The following CHODL variants were observed in gnomAD, a reference collection of about 807,000 sequenced individuals.
CHODL encodes the protein chondrolectin, also known as transmembrane protein MT75.
CHODL carries 29 observed loss-of-function variants against 34.5 expected under a neutral mutation model. The observed-to-expected ratio is 0.84, with a 90% CI of 0.63 to 1.15. The LOEUF is 1.15. Ranked by LOEUF, CHODL falls within the 50% of genes most tolerant of loss-of-function variation. The probability of loss-of-function intolerance (pLI) is 0.00; values close to 1 mark genes in which losing one functional copy is unlikely to be tolerated. For missense variants in CHODL, 332 were observed against 332.5 expected, an observed-to-expected ratio of 1.00 and a Z score of 0.01; for synonymous variants, 125 against 116.1, an observed-to-expected ratio of 1.08 and a Z score of -0.49.
chr21:18,128,464 C>T (rs1250550969), intron 2 of CHODL, among the ~76,000 whole-genome samples: 1 of 150,994 alleles, frequency 6.6e-6, no homozygotes, highest in Non-Finnish European at 1.5e-5. Context: ...AAGCACAAGA[C>T]AAAAATGACT....
At chr21:18,077,727 G>A (rs778794277) in intron 2 of CHODL, among the ~76,000 whole-genome samples, 1 of 152,052 alleles carries the variant, frequency 6.6e-6, no homozygotes, top group Non-Finnish European at 1.5e-5. Flanking sequence ...CTCACCAAAC[G>A]CTGAATCTGC....
chr21:18,228,200 T>C (rs1329190451), intron 2 of CHODL, among the ~76,000 whole-genome samples: 1 of 152,186 alleles, frequency 6.6e-6, no homozygotes, highest in Non-Finnish European at 1.5e-5. Flanking sequence ...GCCAATGGTT[T>C]AATTTTTTAA....
intron 2 of CHODL, among the ~76,000 whole-genome samples, chr21:18,161,737 A>T (rs1768370108): frequency 6.6e-6 from 1 of 151,894 alleles, no homozygotes; most frequent in Non-Finnish European, 1.5e-5. Flanking sequence ...TCCTCCCTAC[A>T]CCCCAGCACA....
intron 1 of CHODL, among the ~76,000 whole-genome samples, chr21:17,968,226 T>C (rs760904705): frequency 1.4e-4 from 22 of 152,220 alleles, no homozygotes; most frequent in Non-Finnish European, 2.5e-4. Context: ...AACCTCTCCA[T>C]AGTTTTGTCC....
At chr21:18,155,331 T>C (rs1449273232) in intron 2 of CHODL, among the ~76,000 whole-genome samples, 2 of 152,158 alleles carry the variant, frequency 1.3e-5, no homozygotes, top group African/African-American at 4.8e-5. Context: ...AAAGAACCTG[T>C]CCTTGCAAAC....
chr21:18,187,871 T>C (rs2073462411), intron 2 of CHODL, among the ~76,000 whole-genome samples: 1 of 152,204 alleles, frequency 6.6e-6, no homozygotes, highest in Non-Finnish European at 1.5e-5. Flanking sequence ...CTCCTTGACT[T>C]GAAGTCTCAT....
intron 1 of CHODL, among the ~76,000 whole-genome samples, chr21:17,918,623 G>A (rs533520555): frequency 2.0e-5 from 3 of 152,130 alleles, no homozygotes; most frequent in Non-Finnish European, 2.9e-5. Flanking sequence ...GATGAGATAT[G>A]GGTGGGGACA....
chr21:17,999,371 C>T (rs185487434), intron 1 of CHODL, among the ~76,000 whole-genome samples: 4 of 152,220 alleles, frequency 2.6e-5, no homozygotes, highest in Non-Finnish European at 5.9e-5. Flanking sequence ...CCAAACTGTT[C>T]CAACCTCTGC....
chr21:18,077,419 T>C (rs930410090), intron 2 of CHODL, among the ~76,000 whole-genome samples: 1 of 152,110 alleles, frequency 6.6e-6, no homozygotes, highest in South Asian at 2.1e-4. Flanking sequence ...TTTGGAGCTA[T>C]TGGGATGGGA....
chr21:18,220,299 T>C (rs2146737387), intron 2 of CHODL, among the ~76,000 whole-genome samples: 1 of 152,282 alleles, frequency 6.6e-6, no homozygotes, highest in Non-Finnish European at 1.5e-5. Flanking sequence ...CATCTTCTAA[T>C]TGAGGAATTT....
chr21:18,077,891 C>T (rs1387768764), intron 2 of CHODL, among the ~76,000 whole-genome samples: 6 of 152,128 alleles, frequency 3.9e-5, no homozygotes, highest in Non-Finnish European at 8.8e-5. Flanking sequence ...CAACTTTCTC[C>T]TTCTTTTCCC....
intron 2 of CHODL, among the ~76,000 whole-genome samples, chr21:18,093,733 G>C (rs1450449726): frequency 6.6e-6 from 1 of 151,760 alleles, no homozygotes; most frequent in Non-Finnish European, 1.5e-5. Context: ...ATCATACAAT[G>C]GATACACAAA....
chr21:18,050,910 G>A (rs1041632007), intron 2 of CHODL, among the ~76,000 whole-genome samples: 4 of 145,122 alleles, frequency 2.8e-5, no homozygotes, highest in African/African-American at 1.1e-4. Flanking sequence ...CAGTATCTGT[G>A]AGCTTAAGTA....
chr21:18,199,204 A>C (rs2073624276), intron 2 of CHODL, among the ~76,000 whole-genome samples: 1 of 152,154 alleles, frequency 6.6e-6, no homozygotes, highest in Non-Finnish European at 1.5e-5. Flanking sequence ...GACTGCTCAT[A>C]AACCAGGCAG....
At chr21:18,265,332 C>T (rs2074445663) in intron 5 of CHODL, among the ~76,000 whole-genome samples, 1 of 148,920 alleles carries the variant, frequency 6.7e-6, no homozygotes, top group Non-Finnish European at 1.5e-5. Context: ...TGATGGAATA[C>T]TACTCATCCA....
intron 2 of CHODL, among the ~76,000 whole-genome samples, chr21:18,054,675 G>C (rs1243797222): frequency 6.6e-6 from 1 of 151,828 alleles, no homozygotes; most frequent in Non-Finnish European, 1.5e-5. Context: ...ATATGTTTTT[G>C]AGATCTGGAG....
chr21:18,224,189 C>G lies in CHODL; in HGVS notation c.-44-32320C>G, dbSNP rs138050390. 2.9e-3 allele frequency among the ~76,000 whole-genome samples: 440 copies of G among 152,208 alleles called. 1 individual carries two copies. The highest frequency in any genetic ancestry group is 0.01 in the African/African-American group (431 of 41,534). ...AATTGACTGAGGTCTCTCATATATT[C>G]CACCACTTTTTGTAAGGCTGATTCT... On this transcript the variant is annotated intron_variant, in intron 2 of 6. Coordinates refer to the CHODL transcript ENST00000400127.
intron 1 of CHODL, among the ~76,000 whole-genome samples, chr21:17,934,439 C>CTCTG (rs1450176933): frequency 1.3e-5 from 2 of 152,066 alleles, no homozygotes; most frequent in Non-Finnish European, 2.9e-5. Flanking sequence ...CACTCTCTCT[C>CTCTG]TCTCTCTCCC....
rs146050411 is a variant in CHODL, at chr21:18,072,195, C to A, written c.-45+44224C>A. Among the ~76,000 whole-genome samples the A allele has an allele frequency of 9.3e-3, 1,308 of 141,090 alleles. 58 individuals carry two copies. In the East Asian group the frequency reaches 0.14, roughly 15 times the overall value. 92.6% of individuals were successfully genotyped at this position (141,090 alleles called of 152,430 possible). Reference sequence around the variant, plus strand: ...ATTAAAAACAACGTTAATTCTAAAACTATTAATAGTAATCATAAAAATATA... The same window carrying A: ...ATTAAAAACAACGTTAATTCTAAAAATATTAATAGTAATCATAAAAATATA... On this transcript the variant is annotated intron_variant, in intron 2 of 6. Transcript: ENST00000400127.
Sources: allele counts gnomAD v4.1 joint callset (sites outside exome capture counted in the v4.1 genomes callset), GRCh38; gene constraint gnomAD v4.1.1; transcripts MANE v1.5; gene names NCBI Gene and HGNC (gene_info 2026-07-23, HGNC 2026-07-21).